Variants in CLNK observed in about 807,000 individuals in gnomAD.
CLNK encodes the protein cytokine dependent hematopoietic cell linker.
CLNK carries 74 observed loss-of-function variants against 68.6 expected under a neutral mutation model. The ratio of observed to expected loss-of-function variants is 1.08; its 90% CI spans 0.89 to 1.31. The LOEUF (loss-of-function observed/expected upper bound fraction) is 1.31, where lower values mean the gene tolerates loss of function less well. CLNK is among the 50% of genes most tolerant of loss of function. The pLI is 0.00. For synonymous variants in CLNK, 198 were observed against 172.2 expected (o/e 1.15, Z -1.17); for missense variants, 553 against 515.3 (o/e 1.07, Z -0.71).
intron 5 of CLNK, among the ~76,000 whole-genome samples, chr4:10,568,950 G>T (rs1297071260): frequency 6.6e-6 from 1 of 152,220 alleles, no homozygotes; most frequent in Non-Finnish European, 1.5e-5. Context: ...ACTGTGAAGG[G>T]TGGGGCCTCA....
At chr4:10,725,127 C>T in the CLNK span, among the ~76,000 whole-genome samples, 2 of 152,066 alleles carry the variant, frequency 1.3e-5, no homozygotes, top group Admixed American at 1.3e-4. Flanking sequence ...ATAATGCCTC[C>T]CCAGGTCCCA....
chr4:10,628,880 G>A (rs182853951), intron 2 of CLNK, among the ~76,000 whole-genome samples: 1 of 152,274 alleles, frequency 6.6e-6, no homozygotes, highest in African/African-American at 2.4e-5. Context: ...GAGTTTTCAT[G>A]AGCTGAACCC....
At chr4:10,493,326 A>G (rs1450858000) in intron 18 of CLNK, among the ~76,000 whole-genome samples, 1 of 152,188 alleles carries the variant, frequency 6.6e-6, no homozygotes, top group Non-Finnish European at 1.5e-5. Context: ...CAAAAAACAA[A>G]CAACAACAAA....
At chr4:10,563,952 C>A (rs535423359) in intron 7 of CLNK, among the ~76,000 whole-genome samples, 2 of 152,036 alleles carry the variant, frequency 1.3e-5, no homozygotes, top group East Asian at 3.9e-4. Flanking sequence ...ATGAAGTGCA[C>A]GAAAATGTTA....
At chr4:10,541,258 T>A (rs924748787) in intron 10 of CLNK, among the ~76,000 whole-genome samples, 1 of 151,126 alleles carries the variant, frequency 6.6e-6, no homozygotes, top group African/African-American at 2.4e-5. Flanking sequence ...TATAAAAATG[T>A]TTGAAAGTCA....
chr4:10,677,192 C>T (rs1241715754), intron 1 of CLNK, among the ~76,000 whole-genome samples: 1 of 152,050 alleles, frequency 6.6e-6, no homozygotes, highest in African/African-American at 2.4e-5. Flanking sequence ...TATTTACCAC[C>T]ATTTACAGGT....
intron 4 of CLNK, among the ~76,000 whole-genome samples, chr4:10,582,805 A>G (rs187451460): frequency 6.6e-6 from 1 of 152,362 alleles, no homozygotes; most frequent in Admixed American, 6.5e-5. Context: ...CTGTTACCAC[A>G]AATAATCCAA....
At chr4:10,609,554 C>T (rs1386305783) in intron 2 of CLNK, among the ~76,000 whole-genome samples, 1 of 152,200 alleles carries the variant, frequency 6.6e-6, no homozygotes, top group Non-Finnish European at 1.5e-5. Context: ...GACCACCTGT[C>T]AAGACCCTCA....
chr4:10,724,533 T>C, the CLNK span, among the ~76,000 whole-genome samples: 1 of 151,278 alleles, frequency 6.6e-6, no homozygotes, highest in Non-Finnish European at 1.5e-5. Context: ...GGGCAGAAAG[T>C]TCTTTCTGTT....
At chr4:10,555,974 T>C (rs1719659258) in intron 8 of CLNK, among the ~76,000 whole-genome samples, 1 of 152,100 alleles carries the variant, frequency 6.6e-6, no homozygotes, top group African/African-American at 2.4e-5. Context: ...AGAAAATAAC[T>C]CTTATTGGAG....
intron 11 of CLNK, among the ~76,000 whole-genome samples, chr4:10,540,031 G>A (rs1019385017): frequency 6.6e-6 from 1 of 152,184 alleles, no homozygotes; most frequent in Non-Finnish European, 1.5e-5. Context: ...GGTATAACTG[G>A]TTAGGCTTTT....
At chr4:10,566,736 C>T (rs934650671) in intron 5 of CLNK, among the ~76,000 whole-genome samples, 1 of 152,000 alleles carries the variant, frequency 6.6e-6, no homozygotes, top group South Asian at 2.1e-4. Flanking sequence ...GTAATCCCAG[C>T]GCTTTGGGAG....
chr4:10,693,472 A>G, the CLNK span, among the ~76,000 whole-genome samples: 1 of 152,182 alleles, frequency 6.6e-6, no homozygotes, highest in Non-Finnish European at 1.5e-5. Flanking sequence ...CAGATATTGG[A>G]GGTATGTGGC....
At chr4:10,634,016 C>T (rs1191988717) in intron 2 of CLNK, among the ~76,000 whole-genome samples, 1 of 152,144 alleles carries the variant, frequency 6.6e-6, no homozygotes, top group Non-Finnish European at 1.5e-5. Flanking sequence ...ATAGTTAAGC[C>T]CCCTGTATAA....
chr4:10,522,239 C>T (rs1388266534), intron 14 of CLNK, among the ~76,000 whole-genome samples: 4 of 117,236 alleles, frequency 3.4e-5, no homozygotes, highest in African/African-American at 1.4e-4. Context: ...GCCTGGGCAA[C>T]AGAGTGAGAC....
At chr4:10,700,024 GTGTATA>G in the CLNK span, among the ~76,000 whole-genome samples, 1 of 151,564 alleles carries the variant, frequency 6.6e-6, no homozygotes, top group Non-Finnish European at 1.5e-5. Flanking sequence ...GTGTGTGTGT[GTGTATA>G]TATATATTTC....
chr4:10,513,611 A>AT lies in CLNK; in HGVS notation c.773-15dup, dbSNP rs1717700073. ...CTCCTCTATGATCTGGAAAGGTTAA[A>AT]TTCACATTTCAGTGTGATTTTGTGA... is the stretch of plus-strand genomic sequence containing the variant. On this transcript the variant is annotated splice_polypyrimidine_tract_variant and intron_variant, in intron 15 of 18. Transcript: ENST00000226951. 1 of 1,584,556 alleles carries AT rather than the reference A, an allele frequency of 6.3e-7. No homozygotes were observed. Among genetic ancestry groups the AT allele is most frequent in the Non-Finnish European group, 8.6e-7 (1 of 1,165,436 alleles).
intron 4 of CLNK, among the ~76,000 whole-genome samples, chr4:10,582,137 A>T (rs1479714966): frequency 6.6e-6 from 1 of 152,186 alleles, no homozygotes; most frequent in Non-Finnish European, 1.5e-5. Context: ...TGTCCCAGAG[A>T]TTCAACTATC....
At chr4:10,501,955 A>G (rs1054732035) in intron 17 of CLNK, among the ~76,000 whole-genome samples, 3 of 152,034 alleles carry the variant, frequency 2.0e-5, no homozygotes, top group African/African-American at 7.2e-5. Context: ...AAAAAAGAAA[A>G]TCTTTCATCA....
Sources: allele counts gnomAD v4.1 joint callset (sites outside exome capture counted in the v4.1 genomes callset), GRCh38; gene constraint gnomAD v4.1.1; transcripts MANE v1.5; gene names NCBI Gene and HGNC (gene_info 2026-07-23, HGNC 2026-07-21).